The following ZNF827 variants were observed in gnomAD, a reference collection of about 807,000 sequenced individuals.
The protein encoded by ZNF827 is zinc finger protein 827.
ZNF827 carries 13 observed loss-of-function variants against 102.4 expected under a neutral mutation model. The observed-to-expected ratio is 0.13, with a 90% CI of 0.08 to 0.20. ZNF827 has a LOEUF of 0.20. Among genes scored for constraint, ZNF827 ranks in the 10% least tolerant of loss-of-function variants. ZNF827 has a pLI of 1.00. For missense variants in ZNF827, 1,103 were observed against 1,344.4 expected (o/e 0.82, Z 2.81); for synonymous variants, 523 against 536.2 (o/e 0.98, Z 0.34).
chr4:145,913,843 T>C (rs543391180), intron 1 of ZNF827, among the ~76,000 whole-genome samples: 2 of 152,304 alleles, frequency 1.3e-5, no homozygotes, highest in African/African-American at 4.8e-5. Context: ...CATTTTAACA[T>C]TACCAATACT....
intron 8 of ZNF827, among the ~76,000 whole-genome samples, chr4:145,798,555 A>C (rs926159295): frequency 1.3e-5 from 2 of 152,134 alleles, no homozygotes; most frequent in Non-Finnish European, 2.9e-5. Context: ...ATTCCTGGCT[A>C]CTTGGGAGGC....
intron 1 of ZNF827, among the ~76,000 whole-genome samples, chr4:145,926,797 T>C (rs72725720): frequency 0.024 from 3,587 of 152,230 alleles, 66 homozygotes; most frequent in Non-Finnish European, 0.037. Flanking sequence ...GCCCAAGTCA[T>C]GTTTAAGCTT....
intron 1 of ZNF827, among the ~76,000 whole-genome samples, chr4:145,923,976 G>A (rs772283972): frequency 3.4e-4 from 52 of 152,144 alleles, no homozygotes; most frequent in African/African-American, 2.9e-4. Context: ...GCATGTTCAC[G>A]GCAGTGCTGT....
At chr4:145,870,122 T>C (rs1748549982) in intron 5 of ZNF827, 123 bp downstream of exon 5, 2 of 916,950 alleles carry the variant, frequency 2.2e-6, no homozygotes, top group Non-Finnish European at 3.3e-6. Flanking sequence ...GATCGTTCTT[T>C]GAATTCACAG....
chr4:145,822,591 T>A (rs1394415225), intron 8 of ZNF827, among the ~76,000 whole-genome samples: 1 of 151,746 alleles, frequency 6.6e-6, no homozygotes, highest in African/African-American at 2.4e-5. Context: ...TGAATGTGGA[T>A]GGAGGCTACC....
chr4:145,914,989 C>T (rs1752569063), intron 1 of ZNF827, among the ~76,000 whole-genome samples: 1 of 152,198 alleles, frequency 6.6e-6, no homozygotes, highest in Non-Finnish European at 1.5e-5. Flanking sequence ...AAACAGAATA[C>T]TTAAGACTGG....
At position 145,779,955 on chromosome 4, in the gene ZNF827, C is replaced by T. The variant is rs987651400; in HGVS notation, c.2384-444G>A. Among the ~76,000 whole-genome samples the T allele has an allele frequency of 2.6e-5, 4 of 152,230 alleles. No homozygotes were observed. The East Asian group carries it at 7.7e-4, about 29-fold the overall frequency. On this transcript the variant is annotated intron_variant, in intron 8 of 14. Coordinates refer to ENST00000508784, the MANE Select transcript of ZNF827 (RefSeq NM_001306215.2). ...CCTGTAATCCCAGCACTTTGGGAGGCTGAGGCGAGTAGATCACTTGAGCTC... is the reference window on the plus strand; with the variant it reads ...CCTGTAATCCCAGCACTTTGGGAGGTTGAGGCGAGTAGATCACTTGAGCTC...
chr4:145,804,128 C>T (rs974749381), intron 8 of ZNF827, among the ~76,000 whole-genome samples: 8 of 152,154 alleles, frequency 5.3e-5, no homozygotes, highest in Non-Finnish European at 7.3e-5. Context: ...AGGAAATGAA[C>T]GCATATACAT....
chr4:145,911,159 C>G (rs1752261858), intron 1 of ZNF827, among the ~76,000 whole-genome samples: 1 of 152,190 alleles, frequency 6.6e-6, no homozygotes, highest in South Asian at 2.1e-4. Flanking sequence ...GTTTTGCAAA[C>G]TTTTCCACCA....
intron 1 of ZNF827, among the ~76,000 whole-genome samples, chr4:145,915,288 A>G (rs558965082): frequency 1.3e-5 from 2 of 152,300 alleles, no homozygotes; most frequent in African/African-American, 4.8e-5. Context: ...TCTCTACTAA[A>G]AATGCAAAAT....
At chr4:145,808,452 GC>G (rs1356430836) in intron 8 of ZNF827, among the ~76,000 whole-genome samples, 2 of 152,030 alleles carry the variant, frequency 1.3e-5, no homozygotes, top group African/African-American at 4.8e-5. Context: ...TAAAAAAGAA[GC>G]AACTCATTTG....
intron 7 of ZNF827, among the ~76,000 whole-genome samples, chr4:145,841,182 C>T (rs1210034241): frequency 6.6e-6 from 1 of 152,134 alleles, no homozygotes; most frequent in African/African-American, 2.4e-5. Flanking sequence ...TCTTGGCAGC[C>T]ATTGTTTGAA....
At chr4:145,777,446 CT>C (rs1435203943) in intron 9 of ZNF827, among the ~76,000 whole-genome samples, 1 of 152,156 alleles carries the variant, frequency 6.6e-6, no homozygotes, top group African/African-American at 2.4e-5. Context: ...ACGGTATGTC[CT>C]TCATAATTTT....
At chr4:145,767,233 T>C (rs1011541179) in intron 11 of ZNF827, among the ~76,000 whole-genome samples, 2 of 152,206 alleles carry the variant, frequency 1.3e-5, no homozygotes, top group Non-Finnish European at 2.9e-5. Flanking sequence ...ATAAAATTTC[T>C]ACTGATGAAA....
At position 145,761,694 on chromosome 4, in the gene ZNF827, C is replaced by A. The variant is rs537832563; in HGVS notation, c.*18-96G>T. ...CACCAGCCTTCCCTCACACCACCCCCCAGTGTCTGAGGCCTGGCCTGCCCA... is the reference window on the plus strand; with the variant it reads ...CACCAGCCTTCCCTCACACCACCCCACAGTGTCTGAGGCCTGGCCTGCCCA... On this transcript the variant is annotated intron_variant, in intron 14 of 14. Transcript: ENST00000508784. This position sits in a 1 kb window ranked among gnomAD's most constrained non-coding sequence, Gnocchi z 6.8. The A allele has an allele frequency of 3.7e-5, 29 of 781,520 alleles. No individual in the cohort carries two copies. The highest frequency in any genetic ancestry group is 3.5e-4 in the South Asian group (21 of 59,320). 48.4% of individuals were successfully genotyped at this position (781,520 alleles called of 1,614,324 possible).
chr4:145,774,156 A>G (rs1202570650), intron 11 of ZNF827, among the ~76,000 whole-genome samples: 1 of 152,106 alleles, frequency 6.6e-6, no homozygotes, highest in Non-Finnish European at 1.5e-5. Context: ...GAGGGTTGCT[A>G]TGGGGCTTAA....
chr4:145,858,955 A>C (rs912619459), intron 5 of ZNF827, among the ~76,000 whole-genome samples: 1 of 152,222 alleles, frequency 6.6e-6, no homozygotes, highest in South Asian at 2.1e-4. Context: ...ACTAATATGC[A>C]CTAGTATATA....
intron 8 of ZNF827, among the ~76,000 whole-genome samples, chr4:145,818,253 G>C (rs980919104): frequency 1.3e-5 from 2 of 152,160 alleles, no homozygotes; most frequent in African/African-American, 4.8e-5. Context: ...AGCAAGATAG[G>C]GCAGAAAGAG....
intron 8 of ZNF827, among the ~76,000 whole-genome samples, chr4:145,793,505 C>T (rs1435790464): frequency 6.6e-6 from 1 of 151,210 alleles, no homozygotes; most frequent in Non-Finnish European, 1.5e-5. Flanking sequence ...AAGATGTCGG[C>T]TGGGAGGCTA....
Sources: allele counts gnomAD v4.1 joint callset (sites outside exome capture counted in the v4.1 genomes callset), GRCh38; gene constraint gnomAD v4.1.1; non-coding constraint Gnocchi (gnomAD v3.1); transcripts MANE v1.5; gene names NCBI Gene and HGNC (gene_info 2026-07-23, HGNC 2026-07-21).